PDE1C: variants seen among roughly 807,000 people sequenced by gnomAD.
PDE1C encodes the protein phosphodiesterase 1C, also known as dual specificity calcium/calmodulin-dependent 3',5'-cyclic nucleotide phosphodiesterase 1C.
Under a neutral mutation model 93.1 loss-of-function variants are expected in PDE1C, and 62 were observed. That is an observed-to-expected ratio of 0.67 (90% CI 0.54 to 0.82). The LOEUF (loss-of-function observed/expected upper bound fraction) is 0.82, where lower values mean the gene tolerates loss of function less well. PDE1C is among the 40% of genes least tolerant of loss of function. PDE1C has a pLI of 0.00. For synonymous variants in PDE1C, 325 were observed against 310.1 expected (o/e 1.05, Z -0.50); for missense variants, 742 against 884.6 (o/e 0.84, Z 2.04).
chr7:32,070,611 G>C, upstream of PDE1C: 5 of 1,417,728 alleles, frequency 3.5e-6, no homozygotes, highest in Non-Finnish European at 4.6e-6. Context: ...GCAGCTGCGG[G>C]AACCAGCCAT....
intron 2 of PDE1C, among the ~76,000 whole-genome samples, chr7:32,011,244 G>C (rs1395393986): frequency 6.6e-6 from 1 of 151,452 alleles, no homozygotes; most frequent in Admixed American, 6.6e-5. Context: ...CCAGGCTGGA[G>C]TGCAGTGGTG....
intron 2 of PDE1C, among the ~76,000 whole-genome samples, chr7:32,177,077 A>G (rs755136074): frequency 2.0e-5 from 3 of 152,260 alleles, no homozygotes; most frequent in Non-Finnish European, 2.9e-5. Flanking sequence ...TTTAAGTAAA[A>G]AACATGTCAC....
chr7:31,844,048 T>G (rs1792238481), intron 9 of PDE1C, among the ~76,000 whole-genome samples: 1 of 151,834 alleles, frequency 6.6e-6, no homozygotes, highest in Admixed American at 6.6e-5. Flanking sequence ...TCACATGTAT[T>G]ACACCTCTCT....
At chr7:31,661,262 G>C in the PDE1C span, among the ~76,000 whole-genome samples, 1 of 152,044 alleles carries the variant, frequency 6.6e-6, no homozygotes, top group Non-Finnish European at 1.5e-5. Flanking sequence ...TAGAAAGTGT[G>C]TTTCTACCTA....
intron 3 of PDE1C, among the ~76,000 whole-genome samples, chr7:32,137,484 C>T (rs1036593621): frequency 3.6e-4 from 55 of 152,288 alleles, no homozygotes; most frequent in African/African-American, 1.3e-3. Flanking sequence ...AGCTGATTAG[C>T]AACCATGGTT....
intron 16 of PDE1C, among the ~76,000 whole-genome samples, chr7:31,790,560 G>C (rs907464560): frequency 6.6e-6 from 1 of 152,110 alleles, no homozygotes; most frequent in Non-Finnish European, 1.5e-5. Flanking sequence ...TTTTGCAATG[G>C]AGATGACGGT....
intron 15 of PDE1C, among the ~76,000 whole-genome samples, chr7:31,813,710 A>G (rs1345987849): frequency 2.6e-5 from 4 of 151,982 alleles, no homozygotes; most frequent in African/African-American, 7.3e-5. Context: ...TTGGTTATAT[A>G]AGTAAGTTAT....
chr7:32,071,127 G>A (rs1162107453), upstream of PDE1C: 4 of 985,534 alleles, frequency 4.1e-6, no homozygotes, highest in Non-Finnish European at 4.8e-6. Flanking sequence ...CTCCGACCCC[G>A]GCCGGGCACA....
intron 1 of PDE1C, among the ~76,000 whole-genome samples, chr7:32,389,330 C>T (rs1324619601): frequency 6.6e-6 from 1 of 152,162 alleles, no homozygotes; most frequent in African/African-American, 2.4e-5. Flanking sequence ...GATTCTCCTG[C>T]CTCAGCCTGC....
intron 1 of PDE1C, among the ~76,000 whole-genome samples, chr7:32,258,107 T>C (rs1339244713): frequency 6.6e-6 from 1 of 152,232 alleles, no homozygotes; most frequent in Non-Finnish European, 1.5e-5. Flanking sequence ...AATGCTTTAC[T>C]GCGCTTGGGG....
chr7:31,784,545 T>C (rs1278591731), intron 16 of PDE1C: 1 of 151,896 alleles, frequency 6.6e-6, no homozygotes, highest in Non-Finnish European at 1.5e-5. Context: ...GCTAAAATGA[T>C]ACTGCAAGCA....
chr7:32,035,161 A>T (rs1356593585), intron 2 of PDE1C, among the ~76,000 whole-genome samples: 1 of 152,072 alleles, frequency 6.6e-6, no homozygotes, highest in Non-Finnish European at 1.5e-5. Context: ...CAGCATGACC[A>T]TAAACTACAA....
intron 1 of PDE1C, among the ~76,000 whole-genome samples, chr7:32,251,726 A>C (rs1057326276): frequency 6.6e-6 from 1 of 152,216 alleles, no homozygotes; most frequent in African/African-American, 2.4e-5. Flanking sequence ...TGAAATGTTC[A>C]TAACCCTTTG....
intron 1 of PDE1C, among the ~76,000 whole-genome samples, chr7:32,381,517 C>A (rs1784533987): frequency 2.0e-5 from 3 of 152,136 alleles, no homozygotes; most frequent in African/African-American, 7.2e-5. Flanking sequence ...CTGGCTCACC[C>A]ACTCCAGCAC....
rs1399704919 is a variant in PDE1C, at chr7:31,902,182, CTATT to C, written c.129-21326_129-21323del. 2.6e-4 allele frequency among the ~76,000 whole-genome samples: 40 copies of C among 151,334 alleles called. No homozygotes were observed. The East Asian group carries it at 7.7e-3, about 29-fold the overall frequency. On this transcript the variant is annotated intron_variant, in intron 2 of 17. Transcript: ENST00000396191. ...ATTATATTAGGACATGAGAAAAAAT[CTATT>C]TACTACATATTATAACAAAGTATCA...
At chr7:32,129,919 A>G (rs1347817224) in intron 3 of PDE1C, among the ~76,000 whole-genome samples, 1 of 152,074 alleles carries the variant, frequency 6.6e-6, no homozygotes, top group African/African-American at 2.4e-5. Context: ...ACGTTCTTTT[A>G]CATGGTACTT....
At chr7:31,853,402 A>G (rs1457262467) in intron 7 of PDE1C, among the ~76,000 whole-genome samples, 1 of 152,184 alleles carries the variant, frequency 6.6e-6, no homozygotes, top group South Asian at 2.1e-4. Flanking sequence ...TGAAAATTTG[A>G]CAGAGAAAGA....
chr7:32,209,550 A>T, intron 1 of PDE1C: 1 of 1,555,596 alleles, frequency 6.4e-7, no homozygotes, highest in Non-Finnish European at 8.7e-7. Context: ...CTAGAAAAAA[A>T]AAAGAGGATG....
chr7:31,913,962 C>T (rs901553395), intron 2 of PDE1C, among the ~76,000 whole-genome samples: 1 of 152,176 alleles, frequency 6.6e-6, no homozygotes, highest in African/African-American at 2.4e-5. Context: ...GCTAGATCTA[C>T]AGCAGTTATA....
Sources: allele counts gnomAD v4.1 joint callset (sites outside exome capture counted in the v4.1 genomes callset), GRCh38; gene constraint gnomAD v4.1.1; transcripts MANE v1.5; gene names NCBI Gene and HGNC (gene_info 2026-07-23, HGNC 2026-07-21).